The following EIF2A variants were observed in gnomAD, a reference collection of about 807,000 sequenced individuals.
The protein encoded by EIF2A is eukaryotic translation initiation factor 2A.
In EIF2A, 62 loss-of-function variants were observed where a neutral mutation model predicts 75.2. The observed-to-expected ratio is 0.82, with a 90% CI of 0.67 to 1.02. The LOEUF (loss-of-function observed/expected upper bound fraction) is 1.02. Among genes scored for constraint, EIF2A ranks in the 50% least tolerant of loss-of-function variants. The pLI is 0.00. For synonymous variants in EIF2A, 207 were observed against 239.0 expected (o/e 0.87, Z 1.23); for missense variants, 611 against 677.7 (o/e 0.90, Z 1.09).
At position 150,575,629 on chromosome 3, in the gene EIF2A, T is replaced by A; in HGVS notation, c.1384-20T>A. 6.3e-7 allele frequency: 1 copy of A among 1,581,582 alleles called. No individual in the cohort carries two copies. Among genetic ancestry groups the A allele is most frequent in the South Asian group, 1.2e-5 (1 of 85,382 alleles). The stretch of plus-strand genomic sequence containing the variant: ...TTACAACATGGACTCCATTTCAAAA[T>A]TATTTTACATTTTCCATAGCATGAA... On this transcript the variant is annotated intron_variant, in intron 10 of 13. Transcript: ENST00000460851.
chr3:150,573,231 G>A (rs900962821), intron 10 of EIF2A, among the ~76,000 whole-genome samples: 47 of 152,122 alleles, frequency 3.1e-4, no homozygotes, highest in African/African-American at 1.1e-3. Flanking sequence ...TTTGAAAATG[G>A]TGATGAAATT....
intron 10 of EIF2A, among the ~76,000 whole-genome samples, chr3:150,573,933 G>A (rs561277028): frequency 1.4e-4 from 22 of 152,174 alleles, no homozygotes; most frequent in African/African-American, 3.1e-4. Flanking sequence ...TCGTTGGTCC[G>A]GTGTGGGGGT....
At chr3:150,574,689 A>C (rs534368723) in intron 10 of EIF2A, among the ~76,000 whole-genome samples, 2 of 152,348 alleles carry the variant, frequency 1.3e-5, no homozygotes, top group African/African-American at 4.8e-5. Context: ...GCATTTGCTA[A>C]GATAAGGTCA....
At chr3:150,547,451 A>C (rs2107892578) in intron 1 of EIF2A, among the ~76,000 whole-genome samples, 1 of 152,336 alleles carries the variant, frequency 6.6e-6, no homozygotes, top group African/African-American at 2.4e-5. Context: ...AGGACTCTTG[A>C]AATTTTGAAG....
intron 2 of EIF2A, among the ~76,000 whole-genome samples, chr3:150,557,134 T>C (rs1723609601): frequency 1.3e-5 from 2 of 152,168 alleles, no homozygotes; most frequent in Non-Finnish European, 2.9e-5. Flanking sequence ...AACAGTCTTA[T>C]AAATAATTTA....
chr3:150,558,979 G>A (rs1449948526), intron 3 of EIF2A, among the ~76,000 whole-genome samples: 2 of 152,080 alleles, frequency 1.3e-5, no homozygotes, highest in East Asian at 3.8e-4. Flanking sequence ...AAATTATGTT[G>A]ATTAAATGCT....
At chr3:150,551,173 T>A (rs1211235290) in intron 1 of EIF2A, among the ~76,000 whole-genome samples, 1 of 152,236 alleles carries the variant, frequency 6.6e-6, no homozygotes, top group Non-Finnish European at 1.5e-5. Flanking sequence ...AACTCTCTTT[T>A]ATACCCTCAG....
chr3:150,565,143 T>C (rs1411070720), intron 6 of EIF2A: 2 of 451,836 alleles, frequency 4.4e-6, no homozygotes, highest in Non-Finnish European at 8.9e-6. Flanking sequence ...TGCTTTTGTA[T>C]CCCATGGTAT....
intron 9 of EIF2A, among the ~76,000 whole-genome samples, chr3:150,569,353 A>G (rs1398969070): frequency 6.6e-6 from 1 of 152,228 alleles, no homozygotes. Context: ...CTTTACTAAG[A>G]AGAATTATTT....
intron 11 of EIF2A, 30 bp downstream of exon 11, chr3:150,575,792 CAAAT>C (rs756659467): frequency 1.9e-6 from 3 of 1,571,180 alleles, no homozygotes; most frequent in South Asian, 2.3e-5. Flanking sequence ...CATAACAAAA[CAAAT>C]AGTCAGTTAT....
intron 11 of EIF2A, among the ~76,000 whole-genome samples, chr3:150,576,612 G>A (rs1268589741): frequency 6.6e-6 from 1 of 152,106 alleles, no homozygotes; most frequent in African/African-American, 2.4e-5. Flanking sequence ...GACACTAATG[G>A]TATTATGTAA....
At chr3:150,563,195 G>A (rs1723983943) in intron 4 of EIF2A, among the ~76,000 whole-genome samples, 1 of 152,048 alleles carries the variant, frequency 6.6e-6, no homozygotes, top group Admixed American at 6.6e-5. Context: ...TTCTAATAAT[G>A]TTGATATTTT....
intron 4 of EIF2A, 29 bp from the exon 5 acceptor site, chr3:150,563,486 A>G (rs1483406415): frequency 1.3e-6 from 2 of 1,509,742 alleles, no homozygotes; most frequent in East Asian, 2.5e-5. Context: ...TTACAAGGCA[A>G]TTACTGAAAA....
At chr3:150,557,582 T>G in intron 2 of EIF2A, 1 of 256,570 alleles carries the variant, frequency 3.9e-6, no homozygotes, top group Non-Finnish European at 7.9e-6. Context: ...GAATTTTTAT[T>G]AGAGACAGGG....
At chr3:150,547,687 C>T (rs933395369) in intron 1 of EIF2A, among the ~76,000 whole-genome samples, 7 of 152,130 alleles carry the variant, frequency 4.6e-5, no homozygotes, top group African/African-American at 1.2e-4. Context: ...CCCTCCCTTC[C>T]CCCCCGCGAA....
intron 9 of EIF2A, among the ~76,000 whole-genome samples, chr3:150,570,652 A>T (rs1195879739): frequency 1.3e-5 from 2 of 152,208 alleles, no homozygotes; most frequent in African/African-American, 4.8e-5. Context: ...CTTATAATTT[A>T]AAAAATACAA....
chr3:150,548,005 C>T (rs886947816), intron 1 of EIF2A, among the ~76,000 whole-genome samples: 2 of 152,128 alleles, frequency 1.3e-5, no homozygotes, highest in African/African-American at 4.8e-5. Context: ...TAAATAACCC[C>T]TCCTTTAAAA....
In EIF2A at chr3:150,549,202, T is replaced by TTTTC. The variant is rs1162783695; in HGVS notation, c.28+2392_28+2395dup. Among the ~76,000 whole-genome samples, 22 of 145,080 alleles carry TTTTC rather than the reference T, an allele frequency of 1.5e-4. No individual in the cohort carries two copies. The South Asian group carries it at 4.5e-3, about 30-fold the overall frequency. ...TACTCACATGGCTTCAGAAATCTGT[T>TTTTC]TTTCTTTCTTTCTTTCTTTCTTTTT... On this transcript the variant is annotated intron_variant, in intron 1 of 13. Transcript: ENST00000460851.
chr3:150,572,464 C>T lies in EIF2A; in HGVS notation c.1318C>T (p.Pro440Ser). 1 of 1,613,876 alleles carries T rather than the reference C, an allele frequency of 6.2e-7. No individual in the cohort carries two copies. The highest frequency in any genetic ancestry group is 1.3e-5 in the African/African-American group (1 of 75,012). Residue 440 changes from proline to serine, a missense_variant, in exon 10 of 14, where the codon CCT (proline) becomes TCT (serine). Physicochemically the swap from Pro to Ser is moderately conservative, Grantham distance 74. Transcript: ENST00000460851. ...AVPSEVPNEE[P>S]KVATAYRPPA... ...TCCAAGTGAAGTACCCAATGAGGAA[C>T]CTAAAGTTGCAACAGCTTATAGACC...
Sources: gnomAD v4.1 joint callset for allele counts (sites outside exome capture counted in the v4.1 genomes callset) on GRCh38, gnomAD v4.1.1 for gene constraint, MANE v1.5 for transcripts, NCBI Gene and HGNC (gene_info 2026-07-23, HGNC 2026-07-21) for gene names.